Variants in DPP6 observed in about 807,000 individuals in gnomAD.
DPP6 encodes dipeptidyl peptidase like 6.
DPP6 carries 69 observed loss-of-function variants against 122.6 expected under a neutral mutation model. That is an observed-to-expected ratio of 0.56 (90% CI 0.46 to 0.69). The LOEUF (loss-of-function observed/expected upper bound fraction) is 0.69, where lower values mean the gene tolerates loss of function less well. Ranked by LOEUF, DPP6 falls within the 30% of genes least tolerant of loss-of-function variation. The pLI, the probability that DPP6 is intolerant of heterozygous loss-of-function variation, is 0.00. For missense variants in DPP6, 928 were observed against 1,116.9 expected (o/e 0.83, Z 2.41); for synonymous variants, 418 against 433.1 (o/e 0.97, Z 0.43).
intron 1 of DPP6, among the ~76,000 whole-genome samples, chr7:154,335,759 G>A (rs1214010772): frequency 1.3e-5 from 2 of 152,102 alleles, no homozygotes; most frequent in African/African-American, 4.8e-5. Context: ...ACAGGTATTC[G>A]TGGAAAAACA....
intron 1 of DPP6, among the ~76,000 whole-genome samples, chr7:154,442,388 GA>G (rs1819456255): frequency 6.6e-6 from 1 of 152,212 alleles, no homozygotes; most frequent in Non-Finnish European, 1.5e-5. Context: ...TGTCCAGGGG[GA>G]AAGAATAATG....
In DPP6 at chr7:154,058,485, G is replaced by C. The variant is rs1342644577; in HGVS notation, c.243+5422G>C. 6 of 140,146 alleles carry C rather than the reference G, an allele frequency of 4.3e-5. No individual in the cohort carries two copies. In the East Asian group the frequency reaches 1.4e-3, roughly 32 times the overall value. 8.7% of individuals were successfully genotyped at this position (140,146 alleles called of 1,614,324 possible). On this transcript the variant is annotated intron_variant, in intron 1 of 25. Coordinates refer to ENST00000377770, the MANE Select transcript of DPP6 (RefSeq NM_130797.4). Reference sequence around the variant, plus strand: ...TTGGTACCCCCATCGTAGGGGGGGGGAGGCACCCTCCGCGAGGCAGGGACT... The same window carrying C: ...TTGGTACCCCCATCGTAGGGGGGGGCAGGCACCCTCCGCGAGGCAGGGACT...
intron 8 of DPP6, among the ~76,000 whole-genome samples, chr7:154,745,664 G>A (rs138520362): frequency 2.0e-3 from 304 of 152,370 alleles, no homozygotes; most frequent in African/African-American, 6.9e-3. Flanking sequence ...GCCTCAGGCT[G>A]CTTCTACTCA....
intron 16 of DPP6, among the ~76,000 whole-genome samples, chr7:154,830,977 A>G (rs1800583445): frequency 1.3e-5 from 2 of 152,180 alleles, no homozygotes; most frequent in African/African-American, 4.8e-5. Flanking sequence ...GTAGTTGTGA[A>G]CCTTCTCCAG....
intron 21 of DPP6, chr7:154,884,663 A>T (rs1285137025): frequency 1.3e-5 from 2 of 151,120 alleles, no homozygotes; most frequent in African/African-American, 4.9e-5. Flanking sequence ...ACATGCTCAC[A>T]CACACACATG....
the DPP6 span, among the ~76,000 whole-genome samples, chr7:153,782,576 C>A: frequency 0.019 from 2,820 of 149,194 alleles, 33 homozygotes; most frequent in African/African-American, 0.038. Context: ...GTTTTCTATT[C>A]TTTTCAACAA....
At chr7:154,490,563 C>T (rs1403951337) in intron 3 of DPP6, among the ~76,000 whole-genome samples, 1 of 152,218 alleles carries the variant, frequency 6.6e-6, no homozygotes, top group African/African-American at 2.4e-5. Context: ...TTGCTGTTAG[C>T]TTCTCACTCC....
rs1390279678 is a variant in DPP6, at chr7:154,062,635, C to A, written c.243+9572C>A. ...CTGGTTCCCCCACTGGCTCTTAGGA[C>A]CCCCATCGCAGGAGGGGGAGGCACC... is the stretch of plus-strand genomic sequence containing the variant. On this transcript the variant is annotated intron_variant, in intron 1 of 25. Transcript: ENST00000377770. Among the ~76,000 whole-genome samples, 41 of 48,810 alleles carry A rather than the reference C, an allele frequency of 8.4e-4. 6 individuals carry two copies. The highest frequency in any genetic ancestry group is 2.2e-4 in the Non-Finnish European group (6 of 27,840). The allele number at this position is 48,810 out of a possible 152,430, so 32.0% of individuals were successfully genotyped here. A position where few individuals can be genotyped will look rare whatever the true frequency, so the allele number is the denominator to read the frequency against.
At chr7:154,172,725 C>T (rs941934425) in intron 1 of DPP6, among the ~76,000 whole-genome samples, 1 of 151,770 alleles carries the variant, frequency 6.6e-6, no homozygotes, top group Non-Finnish European at 1.5e-5. Context: ...TTCAGCCTCC[C>T]GAGTAGCTGG....
At chr7:154,386,736 T>TA (rs1483481874) in intron 1 of DPP6, among the ~76,000 whole-genome samples, 2 of 152,162 alleles carry the variant, frequency 1.3e-5, no homozygotes, top group Admixed American at 1.3e-4. Flanking sequence ...CCCATCTACT[T>TA]AGAGAAAGCT....
chr7:154,642,044 T>C (rs1460886734), intron 6 of DPP6, among the ~76,000 whole-genome samples: 1 of 152,238 alleles, frequency 6.6e-6, no homozygotes, highest in Non-Finnish European at 1.5e-5. Flanking sequence ...CACTTCCTTC[T>C]ACCTGGAACT....
intron 1 of DPP6, among the ~76,000 whole-genome samples, chr7:154,061,946 CAA>C: frequency 7.8e-6 from 1 of 127,904 alleles, no homozygotes. Flanking sequence ...GAGGGGGAGG[CAA>C]CCCTGCGAGG....
chr7:153,844,142 G>A, the DPP6 span, among the ~76,000 whole-genome samples: 19,855 of 152,172 alleles, frequency 0.13, 1,303 homozygotes, highest in East Asian at 0.18. Flanking sequence ...ATCACCCGCT[G>A]TTGGCTCATT....
chr7:154,473,838 C>G (rs1240090544), intron 2 of DPP6, among the ~76,000 whole-genome samples: 1 of 152,112 alleles, frequency 6.6e-6, no homozygotes, highest in African/African-American at 2.4e-5. Context: ...GCTCTAGAGC[C>G]ACTGAATGTG....
At chr7:154,829,219 C>CA (rs35746881) in intron 16 of DPP6, among the ~76,000 whole-genome samples, 97,784 of 150,774 alleles carry the variant, frequency 0.65, 33,438 homozygotes, top group Non-Finnish European at 0.77. Flanking sequence ...CATGTCTCTA[C>CA]AAAAAATACA....
At chr7:154,520,436 T>G (rs977230628) in intron 3 of DPP6, among the ~76,000 whole-genome samples, 23 of 152,278 alleles carry the variant, frequency 1.5e-4, no homozygotes, top group African/African-American at 5.5e-4. Flanking sequence ...GAGGTTGCAC[T>G]GCATACTTCT....
In DPP6 at chr7:154,035,625, C is replaced by T. The variant is rs200327065; in HGVS notation, c.51+147891C>T. On this transcript the variant is annotated intron_variant, in intron 1 of 25. Transcript: ENST00000404039. ...TCTTTATTGATAGCCCAGCATCATG[C>T]TTTTATCTAGAGAGGCATTTATCCA... Among the ~76,000 whole-genome samples, 378 of 151,928 alleles carry T rather than the reference C, an allele frequency of 2.5e-3. 7 individuals are homozygous for T. Among genetic ancestry groups the T allele is most frequent in the East Asian group, 0.013 (68 of 5,144 alleles).
At position 153,935,532 on chromosome 7, in the gene DPP6, C is replaced by T. The variant is rs951383158; in HGVS notation, c.51+47798C>T. 5.9e-5 allele frequency among the ~76,000 whole-genome samples: 9 copies of T among 152,268 alleles called. No homozygotes were observed. In the South Asian group the frequency reaches 1.7e-3, roughly 28 times the overall value. On this transcript the variant is annotated intron_variant, in intron 1 of 25. Coordinates refer to the DPP6 transcript ENST00000404039. ...CGTCCGAGGCCCCGTTGGCCCCTCT[C>T]GATTATGATCCAGGCTTAGTGGATG... is the stretch of plus-strand genomic sequence containing the variant.
intron 1 of DPP6, among the ~76,000 whole-genome samples, chr7:154,364,212 A>G (rs891193515): frequency 6.6e-6 from 1 of 152,192 alleles, no homozygotes; most frequent in African/African-American, 2.4e-5. Context: ...TGTTGTCCCA[A>G]CTTTGACAAA....
Sources: allele counts gnomAD v4.1 joint callset (sites outside exome capture counted in the v4.1 genomes callset), GRCh38; gene constraint gnomAD v4.1.1; transcripts MANE v1.5; gene names NCBI Gene and HGNC (gene_info 2026-07-23, HGNC 2026-07-21).